The following LYRM4 variants were observed in gnomAD, a reference collection of about 807,000 sequenced individuals.
LYRM4 encodes the protein LYR motif containing 4.
LYRM4 carries 9 observed loss-of-function variants against 11.7 expected under a neutral mutation model. The ratio of observed to expected loss-of-function variants is 0.77; its 90% CI spans 0.46 to 1.34. The LOEUF (loss-of-function observed/expected upper bound fraction) is 1.34, where lower values mean the gene tolerates loss of function less well. Among genes scored for constraint, LYRM4 ranks in the 40% most tolerant of loss-of-function variants. The pLI is 0.00. For synonymous variants in LYRM4, 42 were observed against 40.4 expected, an observed-to-expected ratio of 1.04 and a Z score of -0.15; for missense variants, 133 against 112.5, an observed-to-expected ratio of 1.18 and a Z score of -0.82.
In LYRM4 at chr6:5,203,189, C is replaced by T. The variant is rs376648481; in HGVS notation, c.207+13429G>A. Among the ~76,000 whole-genome samples the T allele has an allele frequency of 2.2e-3, 331 of 152,254 alleles. 2 individuals are homozygous for T. Among genetic ancestry groups the T allele is most frequent in the African/African-American group, 6.9e-3 (285 of 41,526 alleles). ...GCTCCAGGGGACATTCCATGATGCTCGGAAATACAGGCTGAGATGGGTATT... is the reference window on the plus strand; with the variant it reads ...GCTCCAGGGGACATTCCATGATGCTTGGAAATACAGGCTGAGATGGGTATT... On this transcript the variant is annotated intron_variant, in intron 2 of 2. Transcript: ENST00000330636.
the LYRM4 span, chr6:5,085,475 C>T: frequency 6.5e-7 from 1 of 1,526,850 alleles, no homozygotes; most frequent in South Asian, 1.2e-5. Flanking sequence ...AGTCCAGGGG[C>T]GAACGGCGTC....
intron 2 of LYRM4, among the ~76,000 whole-genome samples, chr6:5,161,756 C>T (rs550900162): frequency 2.6e-5 from 4 of 152,264 alleles, no homozygotes; most frequent in Admixed American, 6.5e-5. Flanking sequence ...GACATACTTG[C>T]GTTACGCTCA....
intron 2 of LYRM4, among the ~76,000 whole-genome samples, chr6:5,160,328 A>T (rs1252226116): frequency 6.6e-6 from 1 of 152,046 alleles, no homozygotes; most frequent in Non-Finnish European, 1.5e-5. Flanking sequence ...CTGATGCATC[A>T]TGCATCAGGC....
At chr6:5,239,518 G>C (rs1242255603) in intron 1 of LYRM4, among the ~76,000 whole-genome samples, 2 of 152,046 alleles carry the variant, frequency 1.3e-5, no homozygotes, top group African/African-American at 4.8e-5. Context: ...GGTCAAGATG[G>C]AGTGCAAGGG....
At chr6:5,076,850 G>T in the LYRM4 span, among the ~76,000 whole-genome samples, 2 of 152,152 alleles carry the variant, frequency 1.3e-5, no homozygotes, top group African/African-American at 4.8e-5. Context: ...TCACGCCAAG[G>T]ACCTCCGTTC....
the LYRM4 span, among the ~76,000 whole-genome samples, chr6:5,053,155 AT>A: frequency 6.6e-6 from 1 of 152,062 alleles, no homozygotes; most frequent in African/African-American, 2.4e-5. Flanking sequence ...GGGATGGGGG[AT>A]TTTTTTAGAT....
chr6:5,141,946 C>T (rs1757429348), intron 2 of LYRM4, among the ~76,000 whole-genome samples: 1 of 152,132 alleles, frequency 6.6e-6, no homozygotes, highest in Non-Finnish European at 1.5e-5. Context: ...CCCACAAACG[C>T]ACCTATTTAC....
chr6:5,260,590 A>AC, intron 1 of LYRM4, 58 bp downstream of exon 1: 1 of 1,270,486 alleles, frequency 7.9e-7, no homozygotes, highest in Non-Finnish European at 1.1e-6. Flanking sequence ...GTCAGCCCGC[A>AC]CCCCCGGTCC....
intron 2 of LYRM4, among the ~76,000 whole-genome samples, chr6:5,198,131 G>A (rs1194310857): frequency 6.6e-6 from 1 of 152,210 alleles, no homozygotes; most frequent in Non-Finnish European, 1.5e-5. Context: ...CCAGAAGGCG[G>A]AGGTTACAGT....
chr6:5,109,032 A>C lies in LYRM4; in HGVS notation c.*391T>G. ...CAGGCCTTGTATCAGTAGGAAATGA[A>C]AATGCATTAATTGGGAGGGGTTTAT... On this transcript the variant is annotated 3_prime_UTR_variant, in exon 3 of 3. Transcript: ENST00000330636. 1 of 1,007,822 alleles carries C rather than the reference A, an allele frequency of 9.9e-7. No individual in the cohort carries two copies. Among genetic ancestry groups the C allele is most frequent in the South Asian group, 4.2e-5 (1 of 23,628 alleles). 62.4% of individuals were successfully genotyped at this position (1,007,822 alleles called of 1,614,324 possible). A position where few individuals can be genotyped will look rare whatever the true frequency, so the allele number is the denominator to read the frequency against.
At chr6:5,258,777 T>C (rs1764798663) in intron 1 of LYRM4, among the ~76,000 whole-genome samples, 1 of 152,238 alleles carries the variant, frequency 6.6e-6, no homozygotes, top group African/African-American at 2.4e-5. Context: ...AGGTATAATT[T>C]GATCAATTAT....
chr6:5,086,244 C>T, the LYRM4 span: 12 of 1,535,592 alleles, frequency 7.8e-6, no homozygotes, highest in Non-Finnish European at 1.0e-5. Context: ...TGCGCTACAC[C>T]TTTACCGAGT....
chr6:5,218,825 A>G (rs1423333151), intron 1 of LYRM4, among the ~76,000 whole-genome samples: 1 of 152,250 alleles, frequency 6.6e-6, no homozygotes, highest in Non-Finnish European at 1.5e-5. Flanking sequence ...AAGATTTTAG[A>G]TAGCAGCTAG....
rs550823063 is a variant in LYRM4, at chr6:5,252,480, G to A, written c.86+8168C>T. Among the ~76,000 whole-genome samples, 24 of 152,140 alleles carry A rather than the reference G, an allele frequency of 1.6e-4. No individual in the cohort carries two copies. In the South Asian group the frequency reaches 2.7e-3, roughly 17 times the overall value. ...TTACCCACGTCTGGTTCTGACACACGCCTTGCATTTTACTTTTCACATGCC... is the reference window on the plus strand; with the variant it reads ...TTACCCACGTCTGGTTCTGACACACACCTTGCATTTTACTTTTCACATGCC... On this transcript the variant is annotated intron_variant, in intron 1 of 2. Coordinates refer to ENST00000330636, the MANE Select transcript of LYRM4 (RefSeq NM_020408.6).
chr6:5,060,399 G>T, the LYRM4 span, among the ~76,000 whole-genome samples: 48 of 152,118 alleles, frequency 3.2e-4, no homozygotes, highest in Non-Finnish European at 6.3e-4. Flanking sequence ...GTACATTCAT[G>T]TAGGCCTTTT....
intron 2 of LYRM4, among the ~76,000 whole-genome samples, chr6:5,124,653 T>A (rs1763620603): frequency 6.6e-6 from 1 of 152,126 alleles, no homozygotes; most frequent in Non-Finnish European, 1.5e-5. Context: ...GGATCAACAG[T>A]GGGCGGCAGA....
At chr6:5,235,363 G>A (rs1763482082) in intron 1 of LYRM4, among the ~76,000 whole-genome samples, 2 of 152,090 alleles carry the variant, frequency 1.3e-5, no homozygotes, top group Non-Finnish European at 2.9e-5. Context: ...CAATCACAAA[G>A]ACCCACAAGC....
At chr6:5,114,039 A>ACTGGAGT (rs1337953009) in intron 2 of LYRM4, among the ~76,000 whole-genome samples, 1 of 152,186 alleles carries the variant, frequency 6.6e-6, no homozygotes, top group East Asian at 1.9e-4. Flanking sequence ...ACTCCTGTGC[A>ACTGGAGT]GCTAGAGGTG....
At chr6:5,157,205 T>G (rs1463358403) in intron 2 of LYRM4, among the ~76,000 whole-genome samples, 2 of 152,232 alleles carry the variant, frequency 1.3e-5, no homozygotes, top group Non-Finnish European at 2.9e-5. Flanking sequence ...AAAAAGTATT[T>G]TCCCTAGATC....
Sources: allele counts gnomAD v4.1 joint callset (sites outside exome capture counted in the v4.1 genomes callset), GRCh38; gene constraint gnomAD v4.1.1; transcripts MANE v1.5; gene names NCBI Gene and HGNC (gene_info 2026-07-23, HGNC 2026-07-21).